Variants in GTF2IRD1 observed in about 807,000 individuals in gnomAD.
GTF2IRD1 encodes GTF2I repeat domain containing 1.
In GTF2IRD1, 26 loss-of-function variants were observed where a neutral mutation model predicts 113.2. The observed-to-expected ratio is 0.23, with a 90% CI of 0.17 to 0.32. The LOEUF (loss-of-function observed/expected upper bound fraction) is 0.32, where lower values mean the gene tolerates loss of function less well. Among genes scored for constraint, GTF2IRD1 ranks in the 10% least tolerant of loss-of-function variants. The pLI is 1.00. For synonymous variants in GTF2IRD1, 484 were observed against 529.1 expected (o/e 0.91, Z 1.17); for missense variants, 864 against 1,280.8 (o/e 0.67, Z 4.97).
chr7:74,455,116 G>T (rs1373382635), intron 1 of GTF2IRD1, among the ~76,000 whole-genome samples: 1 of 152,136 alleles, frequency 6.6e-6, no homozygotes, highest in Non-Finnish European at 1.5e-5. Flanking sequence ...TACCTCCCAG[G>T]ACCAAGGTCC....
At chr7:74,584,887 C>T (rs1338029588) in intron 22 of GTF2IRD1, among the ~76,000 whole-genome samples, 2 of 152,126 alleles carry the variant, frequency 1.3e-5, no homozygotes, top group South Asian at 2.1e-4. Flanking sequence ...CTGTAACCTC[C>T]GCCTCCCAGG....
At position 74,515,362 on chromosome 7, in the gene GTF2IRD1, A is replaced by G. The variant is rs782146861; in HGVS notation, c.266-79A>G. ...TGTGCCAGTCTCCGCAGCTCAGCAC[A>G]GGGCAGCGACATCCCAGCTCGAAGG... On this transcript the variant is annotated intron_variant, in intron 3 of 26. Transcript: ENST00000424337. 2.1e-5 allele frequency: 33 copies of G among 1,541,498 alleles called. No homozygotes were observed. The East Asian group carries it at 7.1e-4, about 33-fold the overall frequency.
At chr7:74,472,261 C>A (rs1479267063) in intron 1 of GTF2IRD1, among the ~76,000 whole-genome samples, 1 of 52,408 alleles carries the variant, frequency 1.9e-5, no homozygotes, top group African/African-American at 7.9e-5. Context: ...GGGCCCCCCT[C>A]TTTCCCTTCC....
intron 25 of GTF2IRD1, among the ~76,000 whole-genome samples, chr7:74,597,052 T>C (rs1554372514): frequency 6.6e-6 from 1 of 151,912 alleles, no homozygotes; most frequent in Non-Finnish European, 1.5e-5. Flanking sequence ...ATCTCTTTTT[T>C]TTTTTTCCGA....
At chr7:74,464,396 C>T (rs1241482850) in intron 1 of GTF2IRD1, among the ~76,000 whole-genome samples, 3 of 151,962 alleles carry the variant, frequency 2.0e-5, no homozygotes, top group African/African-American at 7.2e-5. Flanking sequence ...ACATGTCTTG[C>T]GTGGGTGTCT....
intron 25 of GTF2IRD1, among the ~76,000 whole-genome samples, chr7:74,598,625 CAA>C (rs1802563095): frequency 6.6e-6 from 1 of 151,496 alleles, no homozygotes; most frequent in African/African-American, 2.4e-5. Context: ...CAAAAAAAAA[CAA>C]AACAAAACAT....
At chr7:74,514,394 G>A (rs1300600082) in intron 3 of GTF2IRD1, among the ~76,000 whole-genome samples, 4 of 152,092 alleles carry the variant, frequency 2.6e-5, no homozygotes, top group African/African-American at 9.7e-5. Flanking sequence ...GCAGCAGGTC[G>A]TGTGGCACCC....
intron 1 of GTF2IRD1, among the ~76,000 whole-genome samples, chr7:74,486,120 A>C (rs761219571): frequency 6.6e-6 from 1 of 151,954 alleles, no homozygotes. Context: ...ATAGGTGCCC[A>C]ACACCACGCC....
chr7:74,468,783 C>A (rs1454554891), intron 1 of GTF2IRD1, among the ~76,000 whole-genome samples: 1 of 148,356 alleles, frequency 6.7e-6, no homozygotes, highest in African/African-American at 2.5e-5. Context: ...TTATTTATTC[C>A]TCATAAGAAA....
intron 1 of GTF2IRD1, among the ~76,000 whole-genome samples, chr7:74,484,162 C>T (rs1234451563): frequency 6.6e-6 from 1 of 152,226 alleles, no homozygotes; most frequent in African/African-American, 2.4e-5. Flanking sequence ...AAGCCTGTGT[C>T]CCTAAATTCT....
chr7:74,545,334 A>G (rs1228162029), intron 15 of GTF2IRD1, among the ~76,000 whole-genome samples: 1 of 151,936 alleles, frequency 6.6e-6, no homozygotes. Context: ...CACTTCCCCA[A>G]ACCCAGCCTG....
chr7:74,457,322 T>C (rs1355875731), intron 1 of GTF2IRD1, among the ~76,000 whole-genome samples: 2 of 152,120 alleles, frequency 1.3e-5, no homozygotes, highest in Non-Finnish European at 2.9e-5. Flanking sequence ...CCAACATTGA[T>C]CTTACTCAGA....
chr7:74,550,562 GGGT>G (rs1406331201), intron 17 of GTF2IRD1, among the ~76,000 whole-genome samples: 6 of 151,846 alleles, frequency 4.0e-5, no homozygotes, highest in Non-Finnish European at 8.8e-5. Context: ...ACTCTAGCCT[GGGT>G]GACAGAGTAA....
chr7:74,516,778 C>T lies in GTF2IRD1; in HGVS notation c.421+1182C>T, dbSNP rs587772122. On this transcript the variant is annotated intron_variant, in intron 4 of 26. Transcript: ENST00000424337. ...AGCTGCAGGGCCCCGCGCCCCTGCC[C>T]GCCTTGCCCTGGCCCCCCTTGTCCA... 7.8e-4 allele frequency among the ~76,000 whole-genome samples: 119 copies of T among 151,814 alleles called. 2 individuals carry two copies. Among genetic ancestry groups the T allele is most frequent in the South Asian group, 4.0e-3 (19 of 4,796 alleles).
In GTF2IRD1 at chr7:74,524,066, G is replaced by A. The variant is rs782281824; in HGVS notation, c.1007-5G>A. On this transcript the variant is annotated splice_region_variant and splice_polypyrimidine_tract_variant and intron_variant, in intron 7 of 26. Transcript: ENST00000424337. The stretch of plus-strand genomic sequence containing the variant: ...TGCTCACTTGTGCCTCCTGTGTTTT[G>A]ATAGAGAAGTGGGACGCCTTCATAA... 1.2e-6 allele frequency: 2 copies of A among 1,605,774 alleles called. No homozygotes were observed. Among genetic ancestry groups the A allele is most frequent in the South Asian group, 2.2e-5 (2 of 90,386 alleles).
chr7:74,547,970 G>A lies in GTF2IRD1; in HGVS notation c.1916+684G>A, dbSNP rs587661092. On this transcript the variant is annotated intron_variant, in intron 17 of 26. Transcript: ENST00000424337. ...GGCTGGCGTGTTGGTGTCCTGGGCC[G>A]GGGGCTGGGAGCAATGCCCTGTCGT... is the stretch of plus-strand genomic sequence containing the variant. Among the ~76,000 whole-genome samples the A allele has an allele frequency of 1.4e-4, 22 of 152,142 alleles. 1 individual carries two copies. Among genetic ancestry groups the A allele is most frequent in the Admixed American group, 1.4e-3 (21 of 15,258 alleles).
At position 74,495,464 on chromosome 7, in the gene GTF2IRD1, C is replaced by T. The variant is rs369055523; in HGVS notation, c.-6-12611C>T. ...CTGTCTGGACTGCCCCATCCCTCAC[C>T]ATTCACCTTCTTCATGGCTCATGAT... On this transcript the variant is annotated intron_variant, in intron 1 of 26. Transcript: ENST00000424337. Among the ~76,000 whole-genome samples, 11 of 152,320 alleles carry T rather than the reference C, an allele frequency of 7.2e-5. No homozygotes were observed. In the East Asian group the frequency reaches 1.9e-3, roughly 27 times the overall value.
chr7:74,547,764 T>C (rs1292375377), intron 17 of GTF2IRD1, among the ~76,000 whole-genome samples: 25 of 147,976 alleles, frequency 1.7e-4, no homozygotes, highest in Non-Finnish European at 3.0e-4. Flanking sequence ...TCTTTTTTTT[T>C]TTTTTTTTTT....
intron 1 of GTF2IRD1, among the ~76,000 whole-genome samples, chr7:74,476,731 T>G (rs1794437035): frequency 6.6e-6 from 1 of 152,148 alleles, no homozygotes; most frequent in South Asian, 2.1e-4. Context: ...TTGGGGCCAG[T>G]GCTCCTGGGC....
Sources: allele counts gnomAD v4.1 joint callset (sites outside exome capture counted in the v4.1 genomes callset), GRCh38; gene constraint gnomAD v4.1.1; transcripts MANE v1.5; gene names NCBI Gene and HGNC (gene_info 2026-07-23, HGNC 2026-07-21).